Variants in RIMS1 observed in about 807,000 individuals in gnomAD.
The protein encoded by RIMS1 is regulating synaptic membrane exocytosis protein 1.
In RIMS1, 83 loss-of-function variants were observed where a neutral mutation model predicts 214.1. The observed-to-expected ratio is 0.39, with a 90% CI of 0.32 to 0.47. RIMS1 has a LOEUF of 0.47. Ranked by LOEUF, RIMS1 falls within the 20% of genes least tolerant of loss-of-function variation. The pLI is 0.99. For missense variants in RIMS1, 2,050 were observed against 2,161.8 expected (o/e 0.95, Z 1.03); for synonymous variants, 793 against 786.8 (o/e 1.01, Z -0.13).
Position 72,217,125 on chromosome 6 carries a change from T to C in RIMS1, c.1679-16648T>C. ...AATTGTGTTGTGCATTTGCTGCCAT[T>C]GCTAGCTGAAATTTAATGATTTGAT... On this transcript the variant is annotated intron_variant, in intron 6 of 33. Coordinates refer to ENST00000521978, the MANE Select transcript of RIMS1 (RefSeq NM_014989.7). 9 of 1,530,410 alleles carry C rather than the reference T, an allele frequency of 5.9e-6. No homozygotes were observed. In the South Asian group the frequency reaches 8.5e-5, roughly 15 times the overall value. The allele number at this position is 1,530,410 out of a possible 1,614,324, so 94.8% of individuals were successfully genotyped here. A position where few individuals can be genotyped will look rare whatever the true frequency, so the allele number is the denominator to read the frequency against.
chr6:71,933,323 CGT>C (rs930229622), intron 1 of RIMS1, among the ~76,000 whole-genome samples: 19 of 152,012 alleles, frequency 1.2e-4, no homozygotes, highest in Admixed American at 3.9e-4. Flanking sequence ...CTCTTTTCCC[CGT>C]GTGTTTTCTT....
chr6:71,945,751 C>CTT (rs397776439), intron 1 of RIMS1, among the ~76,000 whole-genome samples: 3,588 of 143,538 alleles, frequency 0.025, 123 homozygotes, highest in African/African-American at 0.073. Context: ...ATGATGTAAT[C>CTT]TTTTTTTTTT....
intron 4 of RIMS1, among the ~76,000 whole-genome samples, chr6:72,112,205 A>G (rs961822690): frequency 2.6e-5 from 4 of 152,028 alleles, no homozygotes; most frequent in Non-Finnish European, 5.9e-5. Context: ...TTCAAAATAT[A>G]TCCACAATGC....
chr6:72,374,423 A>G (rs1010734417), intron 29 of RIMS1, among the ~76,000 whole-genome samples: 6 of 152,220 alleles, frequency 3.9e-5, no homozygotes, highest in Non-Finnish European at 1.5e-5. Context: ...GTTTTTATGC[A>G]TAAGTTATAT....
intron 29 of RIMS1, among the ~76,000 whole-genome samples, chr6:72,383,028 T>C (rs2098519260): frequency 6.6e-6 from 1 of 152,196 alleles, no homozygotes; most frequent in African/African-American, 2.4e-5. Context: ...ACAAGAATTA[T>C]CTTGAGGAAC....
chr6:72,073,185 G>T (rs1321591585), intron 2 of RIMS1, among the ~76,000 whole-genome samples: 3 of 152,162 alleles, frequency 2.0e-5, no homozygotes, highest in East Asian at 1.9e-4. Context: ...TTTTTAGGGG[G>T]TTTTGTTTTT....
chr6:71,986,624 A>T (rs1334022498), intron 2 of RIMS1, among the ~76,000 whole-genome samples: 1 of 152,260 alleles, frequency 6.6e-6, no homozygotes, highest in East Asian at 1.9e-4. Context: ...AATGGAGTTG[A>T]TGGCACCATT....
intron 4 of RIMS1, among the ~76,000 whole-genome samples, chr6:72,109,558 T>A (rs956031128): frequency 6.6e-6 from 1 of 151,342 alleles, no homozygotes; most frequent in African/African-American, 2.4e-5. Context: ...GTTTGTTTTT[T>A]TCTTGTAAAT....
Position 72,061,472 on chromosome 6 carries a change from C to T in RIMS1, c.246-35477C>T, listed in dbSNP as rs146764814. The stretch of plus-strand genomic sequence containing the variant: ...ATGTTTAATAGTAAGTATGGGTTGA[C>T]AGTCTGTTTGTTTCCACGGATGGAC... On this transcript the variant is annotated intron_variant, in intron 2 of 33. Transcript: ENST00000521978. Among the ~76,000 whole-genome samples, 13 of 152,222 alleles carry T rather than the reference C, an allele frequency of 8.5e-5. No homozygotes were observed. In the East Asian group the frequency reaches 2.5e-3, roughly 29 times the overall value.
chr6:72,058,373 A>G (rs1826924737), intron 2 of RIMS1, among the ~76,000 whole-genome samples: 1 of 152,252 alleles, frequency 6.6e-6, no homozygotes, highest in Admixed American at 6.5e-5. Flanking sequence ...CTCCAAGATT[A>G]TAGATAGAAA....
chr6:72,001,989 A>G (rs147882675), intron 2 of RIMS1, among the ~76,000 whole-genome samples: 267 of 152,306 alleles, frequency 1.8e-3, no homozygotes, highest in Middle Eastern at 0.01. Flanking sequence ...AGCTGTTCAA[A>G]TGACTTTAAA....
chr6:72,101,129 A>G (rs2033465938), intron 4 of RIMS1, among the ~76,000 whole-genome samples: 1 of 151,918 alleles, frequency 6.6e-6, no homozygotes, highest in Non-Finnish European at 1.5e-5. Flanking sequence ...GTGTTTAGGC[A>G]GATTTGGTGA....
At chr6:72,121,862 AG>A (rs1265080456) in intron 4 of RIMS1, among the ~76,000 whole-genome samples, 2 of 151,890 alleles carry the variant, frequency 1.3e-5, no homozygotes, top group Non-Finnish European at 2.9e-5. Context: ...TTTAGGATAA[AG>A]GGCTGTTGAA....
At chr6:72,131,720 C>G (rs1235329316) in intron 4 of RIMS1, among the ~76,000 whole-genome samples, 1 of 152,140 alleles carries the variant, frequency 6.6e-6, no homozygotes, top group African/African-American at 2.4e-5. Context: ...GCTTTGAGAG[C>G]AACTGGTCTG....
chr6:72,398,426 A>G, intron 32 of RIMS1, 76 bp downstream of exon 32: 2 of 807,386 alleles, frequency 2.5e-6, no homozygotes, highest in Non-Finnish European at 4.0e-6. Flanking sequence ...GCTGCATTTG[A>G]ATTTCATATG....
chr6:72,095,369 A>G (rs1208303818), intron 2 of RIMS1, among the ~76,000 whole-genome samples: 1 of 152,036 alleles, frequency 6.6e-6, no homozygotes, highest in Non-Finnish European at 1.5e-5. Context: ...TACTAGCTTG[A>G]CCCTAGATTA....
intron 1 of RIMS1, among the ~76,000 whole-genome samples, chr6:71,909,360 A>G (rs1251484511): frequency 1.3e-5 from 2 of 152,194 alleles, no homozygotes; most frequent in African/African-American, 2.4e-5. Flanking sequence ...TCTAACATTA[A>G]GTGATAGATA....
intron 10 of RIMS1, 45 bp from the exon 11 acceptor site, chr6:72,245,770 G>T (rs1563006841): frequency 6.8e-7 from 1 of 1,480,620 alleles, no homozygotes; most frequent in Non-Finnish European, 9.4e-7. Flanking sequence ...CCTCAGGCAG[G>T]GTCATTTAAC....
chr6:72,353,743 T>A (rs1214280496), intron 29 of RIMS1, among the ~76,000 whole-genome samples: 1 of 152,240 alleles, frequency 6.6e-6, no homozygotes, highest in Non-Finnish European at 1.5e-5. Context: ...CTGGCTTGTT[T>A]ATGTCTACAA....
Sources: gnomAD v4.1 joint callset for allele counts (sites outside exome capture counted in the v4.1 genomes callset) on GRCh38, gnomAD v4.1.1 for gene constraint, MANE v1.5 for transcripts, NCBI Gene and HGNC (gene_info 2026-07-23, HGNC 2026-07-21) for gene names.